The following RADX variants were observed in gnomAD, a reference collection of about 807,000 sequenced individuals.
RADX encodes RPA-related protein RADX.
A neutral mutation model predicts 61.6 loss-of-function variants in RADX; 36 were observed. That is an observed-to-expected ratio of 0.58 (90% CI 0.45 to 0.77). RADX has a LOEUF of 0.77. Among genes scored for constraint, RADX ranks in the 30% least tolerant of loss-of-function variants. The pLI, the probability that RADX is intolerant of heterozygous loss-of-function variation, is 0.00. For missense variants in RADX, 497 were observed against 651.1 expected, an observed-to-expected ratio of 0.76 and a Z score of 2.58; for synonymous variants, 272 against 237.9, an observed-to-expected ratio of 1.14 and a Z score of -1.32.
Position 106,669,243 on chromosome X carries a change from A to G in RADX, c.2350A>G (p.Thr784Ala), listed in dbSNP as rs1928306924. 1 of 1,195,334 alleles carries G rather than the reference A, an allele frequency of 8.4e-7. No individual in the cohort carries two copies. Among genetic ancestry groups the G allele is most frequent in the Non-Finnish European group, 1.1e-6 (1 of 880,567 alleles). The change falls in exon 13 of 14, where the codon ACA becomes GCA. Residue 784 changes from threonine to alanine, a missense_variant. Transcript: ENST00000372548. Reference protein sequence around the residue: ...PEDIRTSQIDTLLTSMNYSCA... With the variant: ...PEDIRTSQIDALLTSMNYSCA... ...AGATATTCGAACATCTCAAATAGACACACTGTTGACCTCCATGAATTACAG... is the reference window on the plus strand; with the variant it reads ...AGATATTCGAACATCTCAAATAGACGCACTGTTGACCTCCATGAATTACAG...
At chrX:106,618,352 C>A (rs1296740278) in intron 1 of RADX, among the ~76,000 whole-genome samples, 1 of 111,109 alleles carries the variant, frequency 9.0e-6, no homozygotes, top group East Asian at 2.8e-4. Flanking sequence ...AGAAATAAAA[C>A]AAAATACAGA....
chrX:106,663,162 C>T (rs752648413), intron 12 of RADX, among the ~76,000 whole-genome samples: 9 of 111,787 alleles, frequency 8.1e-5, no homozygotes, highest in Non-Finnish European at 1.5e-4. Flanking sequence ...TACTGGACAT[C>T]TTGGCCGGTT....
chrX:106,637,674 CTG>C, intron 7 of RADX, 84 bp from the exon 8 acceptor site: 1 of 808,820 alleles, frequency 1.2e-6, no homozygotes, highest in Non-Finnish European at 1.7e-6. Flanking sequence ...TAATAGTAAA[CTG>C]TTTTTACACA....
intron 3 of RADX, among the ~76,000 whole-genome samples, chrX:106,626,824 G>C (rs1230035513): frequency 9.0e-6 from 1 of 111,554 alleles, no homozygotes; most frequent in Non-Finnish European, 1.9e-5. Flanking sequence ...GTTAGCAGCA[G>C]TCTCTATTTT....
At chrX:106,659,442 G>A (rs1463674905) in intron 11 of RADX, among the ~76,000 whole-genome samples, 1 of 111,715 alleles carries the variant, frequency 9.0e-6, no homozygotes, top group Non-Finnish European at 1.9e-5. Flanking sequence ...AGAAATAAGA[G>A]TAAAATAGAT....
At chrX:106,651,440 G>T (rs371486833) in intron 11 of RADX, among the ~76,000 whole-genome samples, 5 of 111,183 alleles carry the variant, frequency 4.5e-5, no homozygotes, top group South Asian at 3.8e-4. Flanking sequence ...GAGTCTCAAT[G>T]AAAGAATTAC....
chrX:106,654,169 C>T (rs967072808), intron 11 of RADX, among the ~76,000 whole-genome samples: 2 of 111,495 alleles, frequency 1.8e-5, no homozygotes, highest in East Asian at 5.7e-4. Context: ...TAAAAGCATT[C>T]CTATTTCTCC....
intron 11 of RADX, among the ~76,000 whole-genome samples, chrX:106,654,455 G>A (rs940318143): frequency 1.3e-4 from 14 of 110,794 alleles, no homozygotes; most frequent in African/African-American, 3.0e-4. Flanking sequence ...AACACCACAC[G>A]TCTACAACCA....
At chrX:106,637,198 C>T (rs989950805) in intron 7 of RADX, among the ~76,000 whole-genome samples, 18 of 111,098 alleles carry the variant, frequency 1.6e-4, no homozygotes, top group African/African-American at 5.9e-4. Flanking sequence ...TGGGTGTTTA[C>T]CAGATTGTTA....
chrX:106,627,575 C>G (rs1372218141), intron 3 of RADX, among the ~76,000 whole-genome samples: 6 of 111,149 alleles, frequency 5.4e-5, no homozygotes, highest in Non-Finnish European at 1.9e-5. Context: ...TGCAATCTGA[C>G]TGAAATTTTG....
chrX:106,628,171 A>G (rs1300864495), intron 3 of RADX, among the ~76,000 whole-genome samples: 2 of 111,922 alleles, frequency 1.8e-5, no homozygotes, highest in African/African-American at 6.5e-5. Context: ...GAGAAAAAAA[A>G]AGGCAGTTAT....
At chrX:106,661,427 A>C (rs1928094242) in intron 11 of RADX, among the ~76,000 whole-genome samples, 1 of 87,508 alleles carries the variant, frequency 1.1e-5, no homozygotes. Context: ...AGGTCTCTCT[A>C]TGTTAACTAG....
intron 10 of RADX, 122 bp from the exon 11 acceptor site, chrX:106,648,191 C>T (rs1927709868): frequency 2.4e-6 from 1 of 411,662 alleles, no homozygotes; most frequent in Non-Finnish European, 4.2e-6. Flanking sequence ...ATTCAACAAA[C>T]TTAACCTGTA....
At chrX:106,630,187 T>A (rs918685267) in intron 3 of RADX, among the ~76,000 whole-genome samples, 1 of 110,517 alleles carries the variant, frequency 9.0e-6, no homozygotes, top group South Asian at 3.8e-4. Flanking sequence ...TATCCAGTTG[T>A]GGTGGCATGC....
intron 10 of RADX, among the ~76,000 whole-genome samples, chrX:106,643,529 G>C (rs1204171782): frequency 9.0e-6 from 1 of 111,287 alleles, no homozygotes; most frequent in Non-Finnish European, 1.9e-5. Flanking sequence ...TAGGGGTATA[G>C]TTTCATTCTT....
At chrX:106,620,447 C>T (rs946609370) in intron 1 of RADX, among the ~76,000 whole-genome samples, 4 of 110,676 alleles carry the variant, frequency 3.6e-5, no homozygotes, top group Non-Finnish European at 7.6e-5. Context: ...CTGAGGCAGG[C>T]GGATCACTTG....
At chrX:106,671,600 G>A (rs1247627302) in intron 13 of RADX, among the ~76,000 whole-genome samples, 1 of 111,476 alleles carries the variant, frequency 9.0e-6, no homozygotes, top group East Asian at 2.8e-4. Flanking sequence ...CTGTCAAATG[G>A]TTCTCTAAAA....
intron 11 of RADX, among the ~76,000 whole-genome samples, chrX:106,658,613 T>A (rs1440464466): frequency 8.9e-6 from 1 of 112,300 alleles, no homozygotes; most frequent in Non-Finnish European, 1.9e-5. Context: ...AGCATATTAA[T>A]ATACTGTAAT....
At position 106,676,497 on chromosome X, in the gene RADX, A is replaced by T. The variant is rs758492144; in HGVS notation, c.2438-1631A>T. Among the ~76,000 whole-genome samples, 3 of 112,277 alleles carry T rather than the reference A, an allele frequency of 2.7e-5. No individual in the cohort carries two copies. The East Asian group carries it at 8.4e-4, about 31-fold the overall frequency. On this transcript the variant is annotated intron_variant, in intron 13 of 13. Transcript: ENST00000372548. Reference sequence around the variant, plus strand: ...CTCTAGCATAAAAGATTAAAAGCATATGCCTTCATGCCAGCTTGTCTGGAT... The same window carrying T: ...CTCTAGCATAAAAGATTAAAAGCATTTGCCTTCATGCCAGCTTGTCTGGAT...
Sources: gnomAD v4.1 joint callset for allele counts (sites outside exome capture counted in the v4.1 genomes callset) on GRCh38, gnomAD v4.1.1 for gene constraint, MANE v1.5 for transcripts, NCBI Gene and HGNC (gene_info 2026-07-23, HGNC 2026-07-21) for gene names.